Variants in THOC2 observed in about 807,000 individuals in gnomAD.
The protein encoded by THOC2 is THO complex subunit 2.
THOC2 carries 10 observed loss-of-function variants against 128.4 expected under a neutral mutation model. That is an observed-to-expected ratio of 0.08 (90% CI 0.05 to 0.13). The LOEUF (loss-of-function observed/expected upper bound fraction) is 0.13. Among genes scored for constraint, THOC2 ranks in the 10% least tolerant of loss-of-function variants. THOC2 has a pLI of 1.00. For synonymous variants in THOC2, 393 were observed against 396.9 expected (o/e 0.99, Z 0.12); for missense variants, 535 against 1,155.7 (o/e 0.46, Z 7.79).
intron 12 of THOC2, among the ~76,000 whole-genome samples, chrX:123,663,504 C>T (rs1318523414): frequency 9.7e-6 from 1 of 102,808 alleles, no homozygotes; most frequent in East Asian, 3.2e-4. Context: ...TAGAAGTTTA[C>T]TGTATTTAAA....
chrX:123,624,974 T>G lies in THOC2; in HGVS notation c.3058-305A>C, dbSNP rs1456423803. 3.6e-5 allele frequency among the ~76,000 whole-genome samples: 4 copies of G among 111,705 alleles called. No individual in the cohort carries two copies. In the Admixed American group the frequency reaches 3.8e-4, roughly 11 times the overall value. On this transcript the variant is annotated intron_variant, in intron 25 of 38. Coordinates refer to ENST00000245838, the MANE Select transcript of THOC2 (RefSeq NM_001081550.2). ...TTGTTTTTTTTTTATTACATAATAG[T>G]TTCTTAACCACTTAGCCATACATAT... is the stretch of plus-strand genomic sequence containing the variant.
rs1203652332 is a variant in THOC2 at position 123,645,715 on chromosome X, A to C, written c.1387-340T>G. Among the ~76,000 whole-genome samples the C allele has an allele frequency of 2.7e-5, 3 of 112,849 alleles. No homozygotes were observed. The Admixed American group carries it at 2.8e-4, about 11-fold the overall frequency. Reference sequence around the variant, plus strand: ...GGTGCCTCACGCCTGTAATCCCAGCACTTTGGGAGGCCAACGTGGGCAGAT... The same window carrying C: ...GGTGCCTCACGCCTGTAATCCCAGCCCTTTGGGAGGCCAACGTGGGCAGAT... On this transcript the variant is annotated intron_variant, in intron 12 of 38. Transcript: ENST00000245838.
chrX:123,638,625 T>G (rs1264162367), intron 17 of THOC2, among the ~76,000 whole-genome samples: 1 of 109,441 alleles, frequency 9.1e-6, no homozygotes, highest in Non-Finnish European at 1.9e-5. Context: ...TGCCACTGCA[T>G]TCCAGCCTGG....
chrX:123,719,753 G>A (rs1454223573), intron 1 of THOC2, among the ~76,000 whole-genome samples: 1 of 107,192 alleles, frequency 9.3e-6, no homozygotes, highest in Non-Finnish European at 1.9e-5. Flanking sequence ...GAACAACATA[G>A]CAAGACCCTG....
At chrX:123,638,232 T>C (rs2047750761) in intron 17 of THOC2, 109 bp from the exon 18 acceptor site, 1 of 447,862 alleles carries the variant, frequency 2.2e-6, no homozygotes, top group East Asian at 4.0e-5. Context: ...CAAATTATTT[T>C]TCTAGTTTTC....
At chrX:123,606,147 G>C (rs1387802209) in intron 38 of THOC2, among the ~76,000 whole-genome samples, 1 of 110,124 alleles carries the variant, frequency 9.1e-6, no homozygotes, top group African/African-American at 3.3e-5. Flanking sequence ...AGGTTAAGAA[G>C]GTGCATTTTG....
intron 33 of THOC2, among the ~76,000 whole-genome samples, chrX:123,615,457 T>C (rs904097242): frequency 2.7e-5 from 3 of 110,861 alleles, no homozygotes; most frequent in Non-Finnish European, 3.8e-5. Flanking sequence ...AAGAGAACGA[T>C]AGTCATAAAA....
At chrX:123,649,327 A>G (rs894702634) in intron 12 of THOC2, among the ~76,000 whole-genome samples, 3 of 111,891 alleles carry the variant, frequency 2.7e-5, no homozygotes, top group African/African-American at 9.8e-5. Flanking sequence ...CCAAAGGTAG[A>G]TAAATCCATG....
rs201502187 is a variant in THOC2 at position 123,644,601 on chromosome X, T to C, written c.1635A>G (p.Thr545=). The change falls in exon 15 of 39, where the codon ACA becomes ACG. Residue 545 remains threonine, a synonymous_variant. Coordinates refer to ENST00000245838, the MANE Select transcript of THOC2 (RefSeq NM_001081550.2). ...TCATGATATATTTGGCTCTGTCTAT[T>C]GTTTGAGCTTTAACTTTTACTAAAA... The part of the protein sequence containing the change: ...HPLLVKVKAQ[T]IDRAKYIMKR... 4,214 of 1,199,560 alleles carry C rather than the reference T, an allele frequency of 3.5e-3. 26 individuals are homozygous for C. Among genetic ancestry groups the C allele is most frequent in the Non-Finnish European group, 3.0e-3 (2,679 of 888,285 alleles).
chrX:123,717,800 G>T (rs1293209647), intron 1 of THOC2, among the ~76,000 whole-genome samples: 1 of 111,815 alleles, frequency 8.9e-6, no homozygotes, highest in Non-Finnish European at 1.9e-5. Context: ...TGTATCCACG[G>T]GGGATTGGTT....
chrX:123,603,590 G>T, intron 38 of THOC2: 1 of 744,435 alleles, frequency 1.3e-6, no homozygotes, highest in Non-Finnish European at 2.1e-6. Context: ...CTCGTCAAGA[G>T]GATGGTGGTG....
At chrX:123,726,923 G>C (rs945481887) in intron 1 of THOC2, among the ~76,000 whole-genome samples, 1 of 111,701 alleles carries the variant, frequency 9.0e-6, no homozygotes, top group African/African-American at 3.3e-5. Flanking sequence ...CCTTTGGCTG[G>C]GCGTAGTGGC....
At chrX:123,663,314 C>T (rs1383787884) in intron 12 of THOC2, among the ~76,000 whole-genome samples, 3 of 111,261 alleles carry the variant, frequency 2.7e-5, no homozygotes, top group Admixed American at 9.6e-5. Flanking sequence ...AGAAACTAGA[C>T]TGAAAAGAGT....
chrX:123,615,083 C>T (rs770615519), intron 33 of THOC2, among the ~76,000 whole-genome samples: 4 of 111,434 alleles, frequency 3.6e-5, no homozygotes, highest in East Asian at 5.6e-4. Context: ...CCTAACCTTA[C>T]GGCATTTATA....
At chrX:123,700,525 G>C (rs1301915330) in intron 4 of THOC2, among the ~76,000 whole-genome samples, 16 of 74,053 alleles carry the variant, frequency 2.2e-4, no homozygotes, top group African/African-American at 7.5e-4. Flanking sequence ...GGGGCGGCGG[G>C]GGGGAGGTGG....
Position 123,621,266 on chromosome X carries a change from T to C in THOC2, c.4107A>G (p.Ile1369Met). 8.3e-7 allele frequency: 1 copy of C among 1,211,712 alleles called. No individual in the cohort carries two copies. The highest frequency in any genetic ancestry group is 1.1e-6 in the Non-Finnish European group (1 of 895,455). Reference protein sequence around the residue: ...REKEPSRERDIAKEMKSKENV... With the variant: ...REKEPSRERDMAKEMKSKENV... ...TTTCCTTTGATTTCATTTCCTTTGC[T>C]ATATCTCTTTCTCTGGATGGCTCCT... Residue 1369 changes from isoleucine (I) to methionine (M), a missense_variant, in exon 31 of 39, where the codon ATA (isoleucine) becomes ATG (methionine). This residue lies in a region of THOC2 where 116 missense variants were observed against 180.0 expected (regional missense o/e 0.64). Coordinates refer to ENST00000245838, the MANE Select transcript of THOC2 (RefSeq NM_001081550.2).
At chrX:123,719,002 T>C (rs1162065267) in intron 1 of THOC2, among the ~76,000 whole-genome samples, 6 of 109,109 alleles carry the variant, frequency 5.5e-5, no homozygotes, top group Admixed American at 4.9e-4. Flanking sequence ...GGTGAAACCC[T>C]GTCTCTACTA....
At chrX:123,689,273 C>T (rs2050127513) in intron 7 of THOC2, among the ~76,000 whole-genome samples, 1 of 111,835 alleles carries the variant, frequency 8.9e-6, no homozygotes, top group Non-Finnish European at 1.9e-5. Flanking sequence ...GAGGTATGTG[C>T]ACTTTTACTT....
At chrX:123,663,674 G>A (rs1603285257) in intron 12 of THOC2, among the ~76,000 whole-genome samples, 1 of 108,815 alleles carries the variant, frequency 9.2e-6, no homozygotes, top group Non-Finnish European at 1.9e-5. Context: ...ACAATGTGCA[G>A]GTTGGTTACA....
Sources: allele counts gnomAD v4.1 joint callset (sites outside exome capture counted in the v4.1 genomes callset), GRCh38; gene constraint gnomAD v4.1.1; regional missense constraint gnomAD v4.1.1; transcripts MANE v1.5; gene names NCBI Gene and HGNC (gene_info 2026-07-23, HGNC 2026-07-21).